PTPRS: variants seen among roughly 807,000 people sequenced by gnomAD.
PTPRS encodes receptor-type tyrosine-protein phosphatase S.
Under a neutral mutation model 215.3 loss-of-function variants are expected in PTPRS, and 63 were observed. The ratio of observed to expected loss-of-function variants is 0.29; its 90% CI spans 0.24 to 0.36. The LOEUF (loss-of-function observed/expected upper bound fraction) is 0.36, where lower values mean the gene tolerates loss of function less well. Ranked by LOEUF, PTPRS falls within the 10% of genes least tolerant of loss-of-function variation. PTPRS has a pLI of 1.00. For missense variants in PTPRS, 2,258 were observed against 2,825.8 expected, an observed-to-expected ratio of 0.80 and a Z score of 4.56; for synonymous variants, 1,404 against 1,191.4, an observed-to-expected ratio of 1.18 and a Z score of -3.68.
intron 9 of PTPRS, chr19:5,251,154 ACTT>A (rs2045020982): frequency 6.6e-6 from 1 of 152,592 alleles, no homozygotes; most frequent in African/African-American, 2.4e-5. Flanking sequence ...TCCATAGCCC[ACTT>A]CTTGTCCTCT....
chr19:5,282,232 G>A (rs1269482339), intron 2 of PTPRS, among the ~76,000 whole-genome samples: 1 of 152,148 alleles, frequency 6.6e-6, no homozygotes, highest in Non-Finnish European at 1.5e-5. Flanking sequence ...TCACTGCAGA[G>A]CAGATACCCT....
intron 1 of PTPRS, among the ~76,000 whole-genome samples, chr19:5,328,988 G>A (rs1012740474): frequency 2.6e-5 from 4 of 152,196 alleles, no homozygotes; most frequent in Non-Finnish European, 4.4e-5. Flanking sequence ...CAGGCCAGGC[G>A]GTAGCTCCCA....
chr19:5,333,812 C>T (rs1438809188), intron 1 of PTPRS, among the ~76,000 whole-genome samples: 1 of 152,202 alleles, frequency 6.6e-6, no homozygotes, highest in Non-Finnish European at 1.5e-5. Flanking sequence ...AGTTCCTTAG[C>T]AGCAGGTTTC....
intron 1 of PTPRS, among the ~76,000 whole-genome samples, chr19:5,329,842 C>T (rs989566061): frequency 2.6e-5 from 4 of 151,806 alleles, no homozygotes; most frequent in South Asian, 2.1e-4. Flanking sequence ...TTTGAGAGGC[C>T]GAGGTGTGTG....
rs368711397 is a variant in PTPRS, at chr19:5,223,309, C to G, written c.2495-12G>C. 1.1e-5 allele frequency: 16 copies of G among 1,444,962 alleles called. No homozygotes were observed. The African/African-American group carries it at 2.2e-4, about 20-fold the overall frequency. 89.5% of individuals were successfully genotyped at this position (1,444,962 alleles called of 1,614,324 possible). A position where few individuals can be genotyped will look rare whatever the true frequency, so the allele number is the denominator to read the frequency against. On this transcript the variant is annotated splice_polypyrimidine_tract_variant and intron_variant, in intron 17 of 37. Transcript: ENST00000262963. ...TGGGCGGCCCAGCACTGCGGGGATA[C>G]GGGGCAGGTGTCAGGGTCCCAGCGC... is the stretch of plus-strand genomic sequence containing the variant.
intron 1 of PTPRS, among the ~76,000 whole-genome samples, chr19:5,286,854 G>A (rs2048393124): frequency 6.6e-6 from 1 of 151,894 alleles, no homozygotes; most frequent in African/African-American, 2.4e-5. Flanking sequence ...CACCAGGACT[G>A]AGGACCTGAG....
chr19:5,239,033 A>AGGAAGTCGTC lies in PTPRS; in HGVS notation c.1725_1734dup (p.Tyr579AspfsTer51). 1 of 1,613,300 alleles carries AGGAAGTCGTC rather than the reference A, an allele frequency of 6.2e-7. No homozygotes were observed. Among genetic ancestry groups the AGGAAGTCGTC allele is most frequent in the Non-Finnish European group, 8.5e-7 (1 of 1,179,708 alleles). ...TTGGGCTTCAGGTCCTCCACCACGTAGGAAGTCGTCGGGTCGAAGGTCCTT... is the reference window on the plus strand; with the variant it reads ...TTGGGCTTCAGGTCCTCCACCACGTAGGAAGTCGTCGGAAGTCGTCGGGTCGAAGGTCCTT... On this transcript the variant is annotated frameshift_variant, in exon 13 of 38. Coordinates refer to ENST00000262963, the MANE Select transcript of PTPRS (RefSeq NM_002850.4). LOFTEE classifies it high-confidence loss of function.
chr19:5,274,046 G>C (rs1452489071), intron 3 of PTPRS, among the ~76,000 whole-genome samples, 153 bp downstream of exon 3: 1 of 152,190 alleles, frequency 6.6e-6, no homozygotes, highest in Non-Finnish European at 1.5e-5. Flanking sequence ...AGGCGGGCAG[G>C]GCCCTGGCTG....
intron 2 of PTPRS, among the ~76,000 whole-genome samples, chr19:5,276,274 G>C (rs2047351960): frequency 6.6e-6 from 1 of 152,166 alleles, no homozygotes; most frequent in Non-Finnish European, 1.5e-5. Context: ...CCAGGCCAGA[G>C]TGCAGTGGTG....
chr19:5,309,925 G>A (rs1349498708), intron 1 of PTPRS, among the ~76,000 whole-genome samples: 1 of 152,152 alleles, frequency 6.6e-6, no homozygotes. Flanking sequence ...GAACACGTCG[G>A]TCAGGGCTGG....
intron 1 of PTPRS, among the ~76,000 whole-genome samples, chr19:5,335,956 G>A (rs1171869573): frequency 2.0e-5 from 3 of 151,620 alleles, no homozygotes; most frequent in Non-Finnish European, 2.9e-5. Context: ...CAGCCCCAAG[G>A]TCCAGTCTGG....
chr19:5,286,463 C>G, intron 1 of PTPRS: 1 of 361,214 alleles, frequency 2.8e-6, no homozygotes, highest in East Asian at 5.1e-5. Flanking sequence ...CTAGTCCCCA[C>G]TATGATGGTA....
At chr19:5,246,100 T>G (rs367732922) in intron 9 of PTPRS, 55 bp from the exon 10 acceptor site, 3 of 1,106,154 alleles carry the variant, frequency 2.7e-6, no homozygotes, top group South Asian at 2.4e-5. Context: ...TGAGGTGGGG[T>G]GAGGTTGGGA....
chr19:5,290,577 C>G (rs942811170), intron 1 of PTPRS, among the ~76,000 whole-genome samples: 1 of 152,096 alleles, frequency 6.6e-6, no homozygotes, highest in South Asian at 2.1e-4. Flanking sequence ...GTCACCCGCA[C>G]GAGGCGGGGG....
At chr19:5,296,545 A>G (rs1483143864) in intron 1 of PTPRS, among the ~76,000 whole-genome samples, 1 of 151,824 alleles carries the variant, frequency 6.6e-6, no homozygotes, top group Non-Finnish European at 1.5e-5. Flanking sequence ...GAGAGAGGGG[A>G]GGTGACATGC....
At chr19:5,302,691 T>A (rs941568545) in intron 1 of PTPRS, among the ~76,000 whole-genome samples, 2 of 152,246 alleles carry the variant, frequency 1.3e-5, no homozygotes, top group South Asian at 2.1e-4. Flanking sequence ...TGTGCAGCTC[T>A]GGGCTGCCGG....
chr19:5,332,077 T>C (rs2050344717), intron 1 of PTPRS, among the ~76,000 whole-genome samples: 1 of 152,010 alleles, frequency 6.6e-6, no homozygotes, highest in South Asian at 2.1e-4. Context: ...GCCCTGGATT[T>C]CTGTACTGTG....
chr19:5,275,785 G>GAC (rs372207178), intron 2 of PTPRS, among the ~76,000 whole-genome samples: 7 of 152,222 alleles, frequency 4.6e-5, no homozygotes, highest in African/African-American at 1.4e-4. Context: ...CAACCTGGGC[G>GAC]ACAGAGTGAG....
At chr19:5,320,251 G>A (rs1008684450) in intron 1 of PTPRS, among the ~76,000 whole-genome samples, 6 of 152,064 alleles carry the variant, frequency 3.9e-5, no homozygotes, top group African/African-American at 1.2e-4. Flanking sequence ...GCCAGTGCCC[G>A]TGGCCTTGGC....
Sources: allele counts gnomAD v4.1 joint callset (sites outside exome capture counted in the v4.1 genomes callset), GRCh38; gene constraint gnomAD v4.1.1; transcripts MANE v1.5; gene names NCBI Gene and HGNC (gene_info 2026-07-23, HGNC 2026-07-21).